Variants in GPC6 observed in about 807,000 individuals in gnomAD.
GPC6 encodes the protein glypican-6.
In GPC6, 14 loss-of-function variants were observed where a neutral mutation model predicts 55.2. The ratio of observed to expected loss-of-function variants is 0.25; its 90% confidence interval spans 0.17 to 0.40. The LOEUF (loss-of-function observed/expected upper bound fraction) is 0.40, where lower values mean the gene tolerates loss of function less well. Ranked by LOEUF, GPC6 falls within the 10% of genes least tolerant of loss-of-function variation. GPC6 has a pLI of 1.00. For synonymous variants in GPC6, 278 were observed against 259.6 expected (o/e 1.07, Z -0.68); for missense variants, 641 against 708.5 (o/e 0.90, Z 1.08).
At chr13:93,330,476 A>G (rs550307418) in intron 1 of GPC6, among the ~76,000 whole-genome samples, 1 of 152,050 alleles carries the variant, frequency 6.6e-6, no homozygotes, top group Non-Finnish European at 1.5e-5. Flanking sequence ...GCAGTGAGTC[A>G]TGATGGCGCC....
At chr13:93,283,554 A>C (rs1163930504) in intron 1 of GPC6, among the ~76,000 whole-genome samples, 1 of 152,160 alleles carries the variant, frequency 6.6e-6, no homozygotes, top group East Asian at 1.9e-4. Flanking sequence ...ATTTGCTTGG[A>C]ATGGTGGCAT....
At chr13:93,853,576 T>A (rs563839201) in intron 3 of GPC6, among the ~76,000 whole-genome samples, 1 of 150,694 alleles carries the variant, frequency 6.6e-6, no homozygotes, top group African/African-American at 2.5e-5. Flanking sequence ...ATAAAAAAAA[T>A]ATGAATTTTA....
intron 1 of GPC6, among the ~76,000 whole-genome samples, chr13:93,243,355 T>C (rs1359365753): frequency 2.0e-5 from 3 of 152,228 alleles, no homozygotes; most frequent in Non-Finnish European, 4.4e-5. Flanking sequence ...TCACCTGTAA[T>C]TCGTTTTTTT....
At chr13:94,080,287 C>A (rs1406619297) in intron 4 of GPC6, among the ~76,000 whole-genome samples, 5 of 152,154 alleles carry the variant, frequency 3.3e-5, no homozygotes, top group Non-Finnish European at 7.4e-5. Context: ...TCTTTTGTGA[C>A]TTCACCTTGT....
intron 3 of GPC6, among the ~76,000 whole-genome samples, chr13:93,930,275 G>GTTTTTTTTTTTTGTTTTTTTTTTTTTTT (rs1878095359): frequency 8.1e-6 from 1 of 123,826 alleles, no homozygotes; most frequent in African/African-American, 3.2e-5. Context: ...GAAACGAAAG[G>GTTTTTTTTTTTTGTTTTTTTTTTTTTTT]TTTTTTTTTT....
At chr13:93,312,844 C>A (rs1026838874) in intron 1 of GPC6, among the ~76,000 whole-genome samples, 2 of 152,092 alleles carry the variant, frequency 1.3e-5, no homozygotes, top group Non-Finnish European at 2.9e-5. Flanking sequence ...ATTTACCTTA[C>A]CAGTAGATGG....
intron 1 of GPC6, among the ~76,000 whole-genome samples, chr13:93,466,577 G>C (rs1369127729): frequency 6.6e-6 from 1 of 152,178 alleles, no homozygotes; most frequent in Non-Finnish European, 1.5e-5. Flanking sequence ...AGTATATTTT[G>C]GCTTTCCAGT....
At chr13:93,930,276 T>TTTTTTTTTTTTTTTTG (rs1318892872) in intron 3 of GPC6, among the ~76,000 whole-genome samples, 1 of 14,816 alleles carries the variant, frequency 6.7e-5, no homozygotes, top group South Asian at 2.0e-3. Context: ...AAACGAAAGG[T>TTTTTTTTTTTTTTTTG]TTTTTTTTTT....
intron 4 of GPC6, among the ~76,000 whole-genome samples, chr13:94,253,073 G>A (rs549935880): frequency 4.6e-5 from 7 of 152,074 alleles, no homozygotes; most frequent in Non-Finnish European, 1.0e-4. Flanking sequence ...TTCTGCAAAT[G>A]CTGGAAAAAC....
intron 4 of GPC6, among the ~76,000 whole-genome samples, chr13:94,277,984 C>T (rs1566626029): frequency 2.0e-5 from 3 of 152,034 alleles, no homozygotes; most frequent in Admixed American, 6.6e-5. Context: ...ATGTCAATGG[C>T]AGTTTGATGG....
At position 94,097,095 on chromosome 13, in the gene GPC6, G is replaced by A. The variant is rs531461274; in HGVS notation, c.877+69201G>A. ...TGCCCAACACACAGTAAGTGCTCAA[G>A]TTTATCTAGTATCATTAACATTTGA... On this transcript the variant is annotated intron_variant, in intron 4 of 8. Transcript: ENST00000377047. Among the ~76,000 whole-genome samples, 8 of 151,952 alleles carry A rather than the reference G, an allele frequency of 5.3e-5. No homozygotes were observed. In the South Asian group the frequency reaches 1.7e-3, roughly 32 times the overall value.
chr13:93,486,076 G>C (rs1021320131), intron 1 of GPC6, among the ~76,000 whole-genome samples: 10 of 152,194 alleles, frequency 6.6e-5, no homozygotes, highest in African/African-American at 2.2e-4. Flanking sequence ...ATTGTTGCAT[G>C]AATGTGACCA....
chr13:94,210,233 T>TGCA (rs1890038129), intron 4 of GPC6, among the ~76,000 whole-genome samples: 1 of 150,970 alleles, frequency 6.6e-6, no homozygotes, highest in East Asian at 2.0e-4. Context: ...CTCAGCTCAC[T>TGCA]GCAGCCTCTG....
rs1319828206 is a variant in GPC6 at position 94,269,908 on chromosome 13, C to T, written c.878-16441C>T. Among the ~76,000 whole-genome samples the T allele has an allele frequency of 4.6e-5, 7 of 152,170 alleles. No homozygotes were observed. In the East Asian group the frequency reaches 7.7e-4, roughly 17 times the overall value. On this transcript the variant is annotated intron_variant, in intron 4 of 8. Transcript: ENST00000377047. The stretch of plus-strand genomic sequence containing the variant: ...AATTTTACAGATGGGAATTCGTGAG[C>T]TCAGTGTCAGATGTTGATGTTGTGG...
intron 4 of GPC6, among the ~76,000 whole-genome samples, chr13:94,068,065 A>G (rs186382540): frequency 1.1e-4 from 17 of 152,294 alleles, no homozygotes; most frequent in Admixed American, 9.1e-4. Flanking sequence ...ATATGTCTGT[A>G]TTGGTTGGTT....
At chr13:94,170,657 G>A (rs994120806) in intron 4 of GPC6, among the ~76,000 whole-genome samples, 3 of 152,130 alleles carry the variant, frequency 2.0e-5, no homozygotes, top group South Asian at 2.1e-4. Flanking sequence ...GGATTTTCAC[G>A]TTTTCAAATT....
intron 3 of GPC6, among the ~76,000 whole-genome samples, chr13:93,928,881 A>ACACACG (rs1878003219): frequency 2.0e-5 from 3 of 151,068 alleles, no homozygotes; most frequent in Admixed American, 1.3e-4. Context: ...ACACACACAC[A>ACACACG]CACACACACA....
chr13:93,270,466 T>C (rs746799276), intron 1 of GPC6, among the ~76,000 whole-genome samples: 4 of 152,034 alleles, frequency 2.6e-5, no homozygotes, highest in Non-Finnish European at 5.9e-5. Context: ...AGCAATGTGC[T>C]TTTTACTCCA....
At chr13:93,566,346 A>T (rs1162773386) in intron 2 of GPC6, among the ~76,000 whole-genome samples, 1 of 152,188 alleles carries the variant, frequency 6.6e-6, no homozygotes, top group Non-Finnish European at 1.5e-5. Flanking sequence ...TTTATATAAA[A>T]AGCATTTTTA....
Sources: allele counts gnomAD v4.1 joint callset (sites outside exome capture counted in the v4.1 genomes callset), GRCh38; gene constraint gnomAD v4.1.1; transcripts MANE v1.5; gene names NCBI Gene and HGNC (gene_info 2026-07-23, HGNC 2026-07-21).